The following KCTD3 variants were observed in gnomAD, a reference collection of about 807,000 sequenced individuals.
KCTD3 encodes BTB/POZ domain-containing protein KCTD3.
Under a neutral mutation model 85.8 loss-of-function variants are expected in KCTD3, and 41 were observed. The ratio of observed to expected loss-of-function variants is 0.48; its 90% confidence interval spans 0.37 to 0.62. The LOEUF is 0.62. Among genes scored for constraint, KCTD3 ranks in the 20% least tolerant of loss-of-function variants. The pLI is 0.00. For missense variants in KCTD3, 724 were observed against 989.9 expected (o/e 0.73, Z 3.60); for synonymous variants, 338 against 345.4 (o/e 0.98, Z 0.24).
intron 17 of KCTD3, 73 bp downstream of exon 17, chr1:215,619,364 C>T: frequency 8.1e-7 from 1 of 1,238,556 alleles, no homozygotes; most frequent in Admixed American, 2.1e-5. Flanking sequence ...ATTGTAATCA[C>T]ATAGTTGTTC....
At chr1:215,578,137 A>G (rs1558229599) in intron 6 of KCTD3, 56 bp downstream of exon 6, 1 of 1,437,970 alleles carries the variant, frequency 7.0e-7, no homozygotes, top group East Asian at 2.3e-5. Context: ...AAGCAAGTAC[A>G]AGCATATGAA....
chr1:215,607,180 G>T (rs1191359434), intron 13 of KCTD3, among the ~76,000 whole-genome samples: 1 of 151,996 alleles, frequency 6.6e-6, no homozygotes, highest in East Asian at 1.9e-4. Context: ...ATGTATGTGT[G>T]TATATAAGAA....
At chr1:215,577,102 A>G (rs186975238) in intron 4 of KCTD3, among the ~76,000 whole-genome samples, 53 of 150,554 alleles carry the variant, frequency 3.5e-4, no homozygotes, top group Non-Finnish European at 4.9e-4. Context: ...GCATCATTTC[A>G]TCTGGATAAC....
chr1:215,578,910 T>C (rs1390242576), intron 6 of KCTD3, 90 bp from the exon 7 acceptor site: 1 of 810,162 alleles, frequency 1.2e-6, no homozygotes, highest in Non-Finnish European at 1.9e-6. Context: ...TTAATGAAAT[T>C]CACATTTTTG....
chr1:215,574,144 A>G (rs1659481284), intron 3 of KCTD3, 26 bp downstream of exon 3: 2 of 1,437,182 alleles, frequency 1.4e-6, no homozygotes, highest in Non-Finnish European at 1.9e-6. Flanking sequence ...ATTGATACAT[A>G]TTCCTAAATT....
In KCTD3 at chr1:215,598,057, C is replaced by A. The variant is rs995991876; in HGVS notation, c.933+2586C>A. On this transcript the variant is annotated intron_variant, in intron 10 of 17. Coordinates refer to ENST00000259154, the MANE Select transcript of KCTD3 (RefSeq NM_016121.5). ...ATTGAAACAATGTATATTGTTTATACTAAGTATTAAGTTAATTGACTAGTT... is the reference window on the plus strand; with the variant it reads ...ATTGAAACAATGTATATTGTTTATAATAAGTATTAAGTTAATTGACTAGTT... 2.3e-4 allele frequency among the ~76,000 whole-genome samples: 35 copies of A among 151,710 alleles called. 1 individual carries two copies. The highest frequency in any genetic ancestry group is 7.3e-4 in the African/African-American group (30 of 41,376).
intron 9 of KCTD3, among the ~76,000 whole-genome samples, chr1:215,589,248 G>C (rs1256835445): frequency 6.6e-6 from 1 of 151,918 alleles, no homozygotes; most frequent in Non-Finnish European, 1.5e-5. Context: ...CACTCAAGCA[G>C]TCCCCCCACC....
In KCTD3 at chr1:215,578,133, G is replaced by A. The variant is rs781505014; in HGVS notation, c.397+52G>A. ...AAAAATTCCTTGTATCATTAAGCAA[G>A]TACAAGCATATGAATAGGAAAAACT... On this transcript the variant is annotated intron_variant, in intron 6 of 17. Coordinates refer to ENST00000259154, the MANE Select transcript of KCTD3 (RefSeq NM_016121.5). The A allele has an allele frequency of 1.8e-5, 27 of 1,474,608 alleles. No individual in the cohort carries two copies. The Admixed American group carries it at 1.9e-4, about 10-fold the overall frequency. 91.3% of individuals were successfully genotyped at this position (1,474,608 alleles called of 1,614,324 possible). A position where few individuals can be genotyped will look rare whatever the true frequency, so the allele number is the denominator to read the frequency against.
chr1:215,591,650 G>A (rs1332463391), intron 9 of KCTD3, among the ~76,000 whole-genome samples: 4 of 152,042 alleles, frequency 2.6e-5, no homozygotes, highest in Admixed American at 6.5e-5. Flanking sequence ...CACCGCGCCC[G>A]GCCAGCAGCC....
At chr1:215,578,214 T>C (rs1020451934) in intron 6 of KCTD3, 133 bp downstream of exon 6, 5 of 748,416 alleles carry the variant, frequency 6.7e-6, no homozygotes, top group Non-Finnish European at 1.1e-5. Flanking sequence ...GTAAGAACTT[T>C]TGATTTTTAT....
At chr1:215,588,307 A>G (rs2102572543) in intron 9 of KCTD3, among the ~76,000 whole-genome samples, 1 of 152,178 alleles carries the variant, frequency 6.6e-6, no homozygotes, top group East Asian at 2.0e-4. Flanking sequence ...ATATAGTTGA[A>G]ATTAAGTTTT....
chr1:215,577,966 G>A, intron 5 of KCTD3, 35 bp from the exon 6 acceptor site: 1 of 1,598,180 alleles, frequency 6.3e-7, no homozygotes, highest in Non-Finnish European at 8.5e-7. Flanking sequence ...CTGTTTGCAT[G>A]TACTCTTGAC....
intron 5 of KCTD3, 54 bp downstream of exon 5, chr1:215,577,782 G>T (rs1659647329): frequency 2.2e-6 from 3 of 1,365,146 alleles, no homozygotes; most frequent in Non-Finnish European, 3.1e-6. Context: ...TATGAAAGTT[G>T]CCCTAAATGA....
intron 5 of KCTD3, 96 bp from the exon 6 acceptor site, chr1:215,577,900 CCTTTT>C: frequency 6.6e-7 from 1 of 1,511,804 alleles, no homozygotes; most frequent in Non-Finnish European, 9.0e-7. Context: ...TTAAAATTTT[CCTTTT>C]CTTTCCTTAT....
At chr1:215,579,538 G>A (rs1302630629) in intron 7 of KCTD3, among the ~76,000 whole-genome samples, 3 of 148,634 alleles carry the variant, frequency 2.0e-5, no homozygotes, top group African/African-American at 7.5e-5. Flanking sequence ...TCGCTCTGTC[G>A]CTCAGGCTGG....
chr1:215,576,711 G>A (rs535102805), intron 4 of KCTD3, among the ~76,000 whole-genome samples: 1 of 151,922 alleles, frequency 6.6e-6, no homozygotes, highest in South Asian at 2.1e-4. Context: ...GGGACTACAG[G>A]CACCCGCCAC....
At chr1:215,594,069 AGGCTGGTCTT>A (rs905644212) in intron 9 of KCTD3, among the ~76,000 whole-genome samples, 95 of 152,198 alleles carry the variant, frequency 6.2e-4, no homozygotes, top group African/African-American at 2.3e-3. Context: ...TGTGTTGCCC[AGGCTGGTCTT>A]GAACTCCTGA....
At chr1:215,590,699 A>C (rs1377804344) in intron 9 of KCTD3, among the ~76,000 whole-genome samples, 1 of 151,818 alleles carries the variant, frequency 6.6e-6, no homozygotes, top group Non-Finnish European at 1.5e-5. Flanking sequence ...TCCATTTTCT[A>C]GTTTGTTTCT....
rs546320795 is a variant in KCTD3 at position 215,577,199 on chromosome 1, T to A, written c.258-471T>A. 1.1e-4 allele frequency among the ~76,000 whole-genome samples: 16 copies of A among 152,088 alleles called. No homozygotes were observed. In the South Asian group the frequency reaches 3.3e-3, roughly 32 times the overall value. Reference sequence around the variant, plus strand: ...TTACATAACTATTTTATACAAGCACTATGCTAGGCACTGTGAGGTATACAA... The same window carrying A: ...TTACATAACTATTTTATACAAGCACAATGCTAGGCACTGTGAGGTATACAA... On this transcript the variant is annotated intron_variant, in intron 4 of 17. Coordinates refer to ENST00000259154, the MANE Select transcript of KCTD3 (RefSeq NM_016121.5).
Sources: gnomAD v4.1 joint callset for allele counts (sites outside exome capture counted in the v4.1 genomes callset) on GRCh38, gnomAD v4.1.1 for gene constraint, MANE v1.5 for transcripts, NCBI Gene and HGNC (gene_info 2026-07-23, HGNC 2026-07-21) for gene names.